Variants in GLB1 observed in about 807,000 individuals in gnomAD.
GLB1 encodes galactosidase beta 1, also known as beta-galactosidase.
In GLB1, 56 loss-of-function variants were observed where a neutral mutation model predicts 74.0. That is an observed-to-expected ratio of 0.76 (90% CI 0.61 to 0.94). The LOEUF (loss-of-function observed/expected upper bound fraction) is 0.94, where lower values mean the gene tolerates loss of function less well. Among genes scored for constraint, GLB1 ranks in the 40% least tolerant of loss-of-function variants. The pLI, the probability that GLB1 is intolerant of heterozygous loss-of-function variation, is 0.00. For synonymous variants in GLB1, 323 were observed against 323.6 expected, an observed-to-expected ratio of 1.00 and a Z score of 0.02; for missense variants, 787 against 845.5, an observed-to-expected ratio of 0.93 and a Z score of 0.86.
At chr3:33,031,752 A>G (rs1002355555) in intron 10 of GLB1, among the ~76,000 whole-genome samples, 18 of 147,280 alleles carry the variant, frequency 1.2e-4, no homozygotes, top group African/African-American at 4.0e-4. Context: ...TGACATGTTA[A>G]GCTGCAATCT....
intron 6 of GLB1, among the ~76,000 whole-genome samples, chr3:33,057,701 G>A (rs1028317167): frequency 2.0e-5 from 3 of 152,204 alleles, no homozygotes; most frequent in Admixed American, 2.0e-4. Flanking sequence ...CTGCCAAGGT[G>A]GGAGGACAGG....
intron 7 of GLB1, 56 bp downstream of exon 7, chr3:33,053,435 C>A: frequency 6.2e-7 from 1 of 1,613,526 alleles, no homozygotes; most frequent in African/African-American, 1.3e-5. Flanking sequence ...GTTTCAGCAG[C>A]ATGTAACTTT....
intron 1 of GLB1, chr3:33,092,016 C>G: frequency 1.0e-6 from 1 of 984,942 alleles, no homozygotes; most frequent in Non-Finnish European, 1.2e-6. Flanking sequence ...CCTTGGTTTC[C>G]TTATCTCCAA....
chr3:33,086,578 T>C (rs1252234328), intron 1 of GLB1, among the ~76,000 whole-genome samples: 1 of 152,184 alleles, frequency 6.6e-6, no homozygotes, highest in African/African-American at 2.4e-5. Flanking sequence ...TCAATCTTAA[T>C]ATCAGTGAAG....
chr3:33,013,769 A>G (rs1055879763), intron 15 of GLB1, among the ~76,000 whole-genome samples: 1 of 152,164 alleles, frequency 6.6e-6, no homozygotes, highest in Admixed American at 6.5e-5. Context: ...ATAAAGAGAA[A>G]GCACCCCTAT....
At chr3:33,051,269 A>G (rs1223775719) in intron 9 of GLB1, among the ~76,000 whole-genome samples, 1 of 145,312 alleles carries the variant, frequency 6.9e-6, no homozygotes, top group East Asian at 2.0e-4. Context: ...AAGAAATATT[A>G]TTTTTTAAAA....
chr3:32,998,458 G>A (rs1696407962), intron 15 of GLB1, among the ~76,000 whole-genome samples: 1 of 151,492 alleles, frequency 6.6e-6, no homozygotes, highest in African/African-American at 2.4e-5. Context: ...GCAGTGAGCT[G>A]AGATTGCGCC....
chr3:33,036,117 A>G (rs1248967459), intron 10 of GLB1, among the ~76,000 whole-genome samples: 1 of 152,220 alleles, frequency 6.6e-6, no homozygotes, highest in Non-Finnish European at 1.5e-5. Flanking sequence ...GTCAATACTG[A>G]AGTTTAAAAT....
intron 9 of GLB1, among the ~76,000 whole-genome samples, chr3:33,047,270 G>A (rs1341019972): frequency 6.6e-6 from 1 of 152,186 alleles, no homozygotes; most frequent in East Asian, 1.9e-4. Flanking sequence ...CAAGGGGCGG[G>A]GTCTAGACCA....
At chr3:32,964,711 A>C in the GLB1 span, among the ~76,000 whole-genome samples, 1 of 152,166 alleles carries the variant, frequency 6.6e-6, no homozygotes, top group Non-Finnish European at 1.5e-5. Context: ...ATCCAAGAGA[A>C]ATGAAAACTT....
At chr3:33,076,793 G>A (rs569760180) in intron 1 of GLB1, among the ~76,000 whole-genome samples, 1 of 152,194 alleles carries the variant, frequency 6.6e-6, no homozygotes, top group Non-Finnish European at 1.5e-5. Flanking sequence ...GACTGCTAGA[G>A]TACCAACTCA....
chr3:33,016,430 C>G (rs953770669), intron 14 of GLB1, among the ~76,000 whole-genome samples: 3 of 152,172 alleles, frequency 2.0e-5, no homozygotes, highest in African/African-American at 7.2e-5. Flanking sequence ...GATCATAGGT[C>G]ATTTTAATCT....
At chr3:32,997,365 A>G in intron 15 of GLB1, 21 bp from the exon 16 acceptor site, 1 of 1,611,882 alleles carries the variant, frequency 6.2e-7, no homozygotes, top group Non-Finnish European at 8.5e-7. Context: ...AGAGACAGAG[A>G]ACCATCAACC....
the GLB1 span, among the ~76,000 whole-genome samples, chr3:32,990,435 C>G: frequency 6.6e-6 from 1 of 152,174 alleles, no homozygotes; most frequent in African/African-American, 2.4e-5. Context: ...ATGTGTCCTA[C>G]ACAGTGGCAT....
the GLB1 span, among the ~76,000 whole-genome samples, chr3:32,978,963 A>ATTTC: frequency 4.3e-5 from 5 of 117,152 alleles, no homozygotes; most frequent in Admixed American, 9.1e-5. Context: ...TAGAGACAAT[A>ATTTC]TTTCTTTCTT....
chr3:33,051,453 C>A (rs1698978682), intron 9 of GLB1, among the ~76,000 whole-genome samples: 1 of 150,602 alleles, frequency 6.6e-6, no homozygotes, highest in Non-Finnish European at 1.5e-5. Context: ...AAAAACTTAG[C>A]CAGGCATGGT....
intron 10 of GLB1, among the ~76,000 whole-genome samples, chr3:33,035,081 A>C (rs934456862): frequency 2.6e-5 from 4 of 151,432 alleles, no homozygotes; most frequent in Admixed American, 1.3e-4. Context: ...ACAAAAGGTA[A>C]GGAATGAAGA....
the GLB1 span, among the ~76,000 whole-genome samples, chr3:32,964,794 A>C: frequency 6.6e-6 from 1 of 152,170 alleles, no homozygotes. Flanking sequence ...GTCCCCACCC[A>C]AATCTCATCT....
Position 33,018,285 on chromosome 3 carries a change from C to CAAAAAAAAAAAAAAA in GLB1, c.1347+148_1347+162dup, listed in dbSNP as rs57833238. Among the ~76,000 whole-genome samples the CAAAAAAAAAAAAAAA allele has an allele frequency of 3.6e-4, 15 of 41,992 alleles. 2 individuals carry two copies. Among genetic ancestry groups the CAAAAAAAAAAAAAAA allele is most frequent in the Non-Finnish European group, 5.6e-4 (15 of 26,608 alleles). 27.5% of individuals were successfully genotyped at this position (41,992 alleles called of 152,430 possible). ...TGGGCAACAGAGCAAAACCCTGTCT[C>CAAAAAAAAAAAAAAA]AAAAAAAAAAAAAAAAAAAAAAAAA... is the stretch of plus-strand genomic sequence containing the variant. On this transcript the variant is annotated intron_variant, in intron 13 of 15. Coordinates refer to ENST00000307363, the MANE Select transcript of GLB1 (RefSeq NM_000404.4).
Sources: allele counts gnomAD v4.1 joint callset (sites outside exome capture counted in the v4.1 genomes callset), GRCh38; gene constraint gnomAD v4.1.1; transcripts MANE v1.5; gene names NCBI Gene and HGNC (gene_info 2026-07-23, HGNC 2026-07-21).